Variants in STARD10 observed in about 807,000 individuals in gnomAD.
STARD10 encodes the protein StAR related lipid transfer domain containing 10.
A neutral mutation model predicts 36.0 loss-of-function variants in STARD10; 24 were observed. The observed-to-expected ratio is 0.67, with a 90% CI of 0.48 to 0.94. The LOEUF is 0.94. STARD10 is among the 40% of genes least tolerant of loss of function. The pLI is 0.00. For missense variants in STARD10, 335 were observed against 396.6 expected (o/e 0.84, Z 1.32); for synonymous variants, 156 against 161.9 (o/e 0.96, Z 0.28).
chr11:72,761,207 C>G (rs185136535), intron 2 of STARD10, among the ~76,000 whole-genome samples: 1 of 152,166 alleles, frequency 6.6e-6, no homozygotes, highest in Non-Finnish European at 1.5e-5. Flanking sequence ...CCAGACAGAG[C>G]CAGACAGTGA....
intron 2 of STARD10, among the ~76,000 whole-genome samples, chr11:72,770,787 C>A (rs554200296): frequency 6.6e-6 from 1 of 151,982 alleles, no homozygotes; most frequent in Admixed American, 6.5e-5. Context: ...GGAGAGGAGA[C>A]GGCACCCAGA....
intron 2 of STARD10, among the ~76,000 whole-genome samples, chr11:72,767,755 G>A (rs912955709): frequency 3.3e-5 from 5 of 152,226 alleles, no homozygotes; most frequent in African/African-American, 1.2e-4. Flanking sequence ...TGGTCCATCT[G>A]TGTCAGACAG....
chr11:72,772,076 G>A (rs1007396789), intron 2 of STARD10, among the ~76,000 whole-genome samples: 9 of 152,188 alleles, frequency 5.9e-5, no homozygotes, highest in African/African-American at 2.2e-4. Context: ...GGCAGCCCAC[G>A]GATGTCTCCC....
At chr11:72,769,225 G>A (rs563347540) in intron 2 of STARD10, among the ~76,000 whole-genome samples, 15 of 152,254 alleles carry the variant, frequency 9.9e-5, no homozygotes, top group African/African-American at 2.6e-4. Flanking sequence ...CTGAGGTACC[G>A]ATTTATGCTC....
intron 5 of STARD10, among the ~76,000 whole-genome samples, chr11:72,757,069 C>T (rs763807707): frequency 6.0e-5 from 9 of 150,172 alleles, no homozygotes; most frequent in Non-Finnish European, 1.0e-4. Context: ...CATTTGAACC[C>T]GGGAGGCAGA....
chr11:72,763,556 A>G (rs1004574949), intron 2 of STARD10, among the ~76,000 whole-genome samples: 8 of 152,134 alleles, frequency 5.3e-5, no homozygotes, highest in African/African-American at 9.7e-5. Context: ...TCACAAGGGA[A>G]CCTCAGACAA....
intron 2 of STARD10, chr11:72,780,275 C>A: frequency 2.5e-6 from 1 of 394,102 alleles, no homozygotes; most frequent in Non-Finnish European, 5.3e-6. Flanking sequence ...TTGGGAAGAG[C>A]AGGGGAGATG....
chr11:72,786,181 G>A (rs1046648028), intron 1 of STARD10, among the ~76,000 whole-genome samples: 3 of 152,198 alleles, frequency 2.0e-5, no homozygotes, highest in Admixed American at 6.5e-5. Flanking sequence ...GTGAAACCCC[G>A]TCTCTACTAA....
At chr11:72,791,119 G>C (rs1033737143) in intron 1 of STARD10, among the ~76,000 whole-genome samples, 2 of 152,134 alleles carry the variant, frequency 1.3e-5, no homozygotes, top group South Asian at 2.1e-4. Flanking sequence ...TTAATTTATA[G>C]GTAAACATTG....
chr11:72,786,348 T>C (rs895799773), intron 1 of STARD10, among the ~76,000 whole-genome samples: 1 of 150,530 alleles, frequency 6.6e-6, no homozygotes, highest in Non-Finnish European at 1.5e-5. Context: ...CAAGACTCTG[T>C]CTCCAGTTAA....
chr11:72,780,881 A>T (rs1858984476), intron 2 of STARD10, 94 bp downstream of exon 2: 1 of 1,301,454 alleles, frequency 7.7e-7, no homozygotes, highest in Non-Finnish European at 1.1e-6. Flanking sequence ...CCAGATATAC[A>T]GCCAGGTGTC....
chr11:72,761,536 C>T (rs900977773), intron 2 of STARD10, among the ~76,000 whole-genome samples: 1 of 152,236 alleles, frequency 6.6e-6, no homozygotes, highest in Non-Finnish European at 1.5e-5. Context: ...ACGGGCAGAT[C>T]ACTTGGGGTC....
intron 1 of STARD10, among the ~76,000 whole-genome samples, chr11:72,784,666 C>T (rs1336829108): frequency 6.6e-6 from 1 of 152,186 alleles, no homozygotes; most frequent in Admixed American, 6.5e-5. Flanking sequence ...CCACTGCAGT[C>T]CCCTGCCCCA....
chr11:72,787,294 C>G (rs964359230), intron 1 of STARD10, among the ~76,000 whole-genome samples: 2 of 152,146 alleles, frequency 1.3e-5, no homozygotes, highest in African/African-American at 4.8e-5. Context: ...ATCCCTGCAC[C>G]TCTGAACCCT....
chr11:72,780,569 G>A, intron 2 of STARD10: 1 of 356,168 alleles, frequency 2.8e-6, no homozygotes, highest in Non-Finnish European at 5.6e-6. Context: ...CCCAGCTCAG[G>A]CTGAGAACCA....
chr11:72,783,267 G>C (rs1859028365), intron 1 of STARD10, among the ~76,000 whole-genome samples: 1 of 152,182 alleles, frequency 6.6e-6, no homozygotes, highest in South Asian at 2.1e-4. Flanking sequence ...ATCCTGCAAA[G>C]TGAATCCTGG....
rs1407367681 is a variant in STARD10, at chr11:72,781,887, G to T, written c.-113-593C>A. ...CGCGGCTCGGGATTTTCCAGGCTGC[G>T]GAGGTGAAGCTGACGGATCTCCGAG... is the stretch of plus-strand genomic sequence containing the variant. On this transcript the variant is annotated intron_variant, in intron 1 of 6. Transcript: ENST00000334805. The surrounding 1 kb of genome is among the most constrained non-coding windows in gnomAD (Gnocchi z 4.7). 4 of 151,338 alleles carry T rather than the reference G, an allele frequency of 2.6e-5. No homozygotes were observed. Among genetic ancestry groups the T allele is most frequent in the African/African-American group, 9.7e-5 (4 of 41,330 alleles). 9.4% of individuals were successfully genotyped at this position (151,338 alleles called of 1,614,324 possible). A position where few individuals can be genotyped will look rare whatever the true frequency, so the allele number is the denominator to read the frequency against.
Position 72,759,293 on chromosome 11 carries a change from A to T in STARD10, c.296T>A (p.Val99Asp). 1 of 1,614,098 alleles carries T rather than the reference A, an allele frequency of 6.2e-7. No individual in the cohort carries two copies. The highest frequency in any genetic ancestry group is 8.5e-7 in the Non-Finnish European group (1 of 1,180,030). The change falls in exon 3 of 7, where the codon GTC becomes GAC. Residue 99 changes from valine (V) to aspartate (D), a missense_variant. By Grantham distance (152) the Val-to-Asp change is radical. Transcript: ENST00000334805. ...GCGGGCGATGTCAAAAGTCTCAATGACGTTGCTGTCCCATTTCTTGCGGTA... is the reference window on the plus strand; with the variant it reads ...GCGGGCGATGTCAAAAGTCTCAATGTCGTTGCTGTCCCATTTCTTGCGGTA... ...IEYRKKWDSN[V>D]IETFDIARLT...
At chr11:72,755,557 T>A in intron 6 of STARD10, 144 bp downstream of exon 6, 1 of 931,878 alleles carries the variant, frequency 1.1e-6, no homozygotes, top group Non-Finnish European at 1.7e-6. Flanking sequence ...GTAATCCACC[T>A]GCCAAGGCCT....
Sources: allele counts gnomAD v4.1 joint callset (sites outside exome capture counted in the v4.1 genomes callset), GRCh38; gene constraint gnomAD v4.1.1; non-coding constraint Gnocchi (gnomAD v3.1); transcripts MANE v1.5; gene names NCBI Gene and HGNC (gene_info 2026-07-23, HGNC 2026-07-21).